MYOM2: variants seen among roughly 807,000 people sequenced by gnomAD.
The protein encoded by MYOM2 is myomesin-2.
In MYOM2, 254 loss-of-function variants were observed where a neutral mutation model predicts 187.6. The observed-to-expected ratio is 1.35, with a 90% CI of 1.22 to 1.50. The LOEUF is 1.50. Ranked by LOEUF, MYOM2 falls within the 40% of genes most tolerant of loss-of-function variation. MYOM2 has a pLI of 0.00. For missense variants in MYOM2, 2,796 were observed against 1,924.0 expected, an observed-to-expected ratio of 1.45 and a Z score of -8.48; for synonymous variants, 981 against 753.8, an observed-to-expected ratio of 1.30 and a Z score of -4.94.
chr8:2,099,394 G>A (rs1796607383), intron 19 of MYOM2, among the ~76,000 whole-genome samples: 1 of 152,138 alleles, frequency 6.6e-6, no homozygotes, highest in Non-Finnish European at 1.5e-5. Context: ...CAGCTGGGAG[G>A]CGCGACAGGG....
At chr8:2,056,450 G>A (rs931200607) in intron 3 of MYOM2, among the ~76,000 whole-genome samples, 3 of 152,068 alleles carry the variant, frequency 2.0e-5, no homozygotes. Context: ...AGGCAGGCCA[G>A]GCCTGGCCGT....
At chr8:2,061,597 C>A (rs1481953975) in intron 6 of MYOM2, among the ~76,000 whole-genome samples, 1 of 152,098 alleles carries the variant, frequency 6.6e-6, no homozygotes, top group Non-Finnish European at 1.5e-5. Flanking sequence ...GGGGGTCCAC[C>A]AGCTCCTCTG....
intron 20 of MYOM2, 97 bp from the exon 21 acceptor site, chr8:2,102,570 A>G: frequency 1.4e-6 from 1 of 709,154 alleles, no homozygotes; most frequent in Admixed American, 2.8e-5. Flanking sequence ...AAAATAAGCT[A>G]TTTTTGAAAA....
At chr8:2,112,521 G>C (rs1866715) in intron 25 of MYOM2, among the ~76,000 whole-genome samples, 43,715 of 151,874 alleles carry the variant, frequency 0.29, 6,443 homozygotes, top group East Asian at 0.4. Context: ...TCAACGGAGG[G>C]GGCTGTTTGC....
chr8:2,099,698 G>T (rs2116769415), intron 19 of MYOM2, among the ~76,000 whole-genome samples: 1 of 152,336 alleles, frequency 6.6e-6, no homozygotes, highest in Admixed American at 6.5e-5. Flanking sequence ...GGGGCCACAG[G>T]TTCATGTCAC....
At chr8:2,129,847 C>G (rs1351953224) in intron 32 of MYOM2, among the ~76,000 whole-genome samples, 1 of 152,154 alleles carries the variant, frequency 6.6e-6, no homozygotes, top group East Asian at 1.9e-4. Context: ...CTGAAACAAC[C>G]AGGCAAACTG....
intron 14 of MYOM2, 133 bp downstream of exon 14, chr8:2,085,523 C>CAGTCGTGATCTCTT (rs1819815118): frequency 1.8e-6 from 1 of 552,352 alleles, no homozygotes; most frequent in African/African-American, 2.4e-5. Flanking sequence ...TGGCCCCCCA[C>CAGTCGTGATCTCTT]TGTTGTGATC....
At chr8:2,124,054 C>T (rs1797549759) in intron 30 of MYOM2, 125 bp from the exon 31 acceptor site, 2 of 927,664 alleles carry the variant, frequency 2.2e-6, no homozygotes, top group Non-Finnish European at 3.3e-6. Context: ...TAAATATTGC[C>T]ATTTTAATGA....
At chr8:2,129,767 G>C (rs908102077) in intron 32 of MYOM2, among the ~76,000 whole-genome samples, 1 of 152,172 alleles carries the variant, frequency 6.6e-6, no homozygotes, top group Non-Finnish European at 1.5e-5. Flanking sequence ...GCAACCCATA[G>C]CACTGGGCAG....
chr8:2,086,704 A>G (rs1467185390), intron 14 of MYOM2, among the ~76,000 whole-genome samples: 1 of 152,234 alleles, frequency 6.6e-6, no homozygotes, highest in Non-Finnish European at 1.5e-5. Context: ...GTGAGCAGGG[A>G]GTCGCTTCCC....
chr8:2,131,041 C>G (rs575611082), intron 32 of MYOM2, among the ~76,000 whole-genome samples: 2 of 152,156 alleles, frequency 1.3e-5, no homozygotes, highest in Non-Finnish European at 2.9e-5. Flanking sequence ...AGGCCACCCC[C>G]CTCTTCAGCC....
intron 2 of MYOM2, among the ~76,000 whole-genome samples, chr8:2,051,142 C>T (rs1818471600): frequency 6.6e-6 from 1 of 151,006 alleles, no homozygotes; most frequent in Non-Finnish European, 1.5e-5. Flanking sequence ...GTTGATTTTA[C>T]TGCTCATCAC....
At chr8:2,110,142 A>G (rs577875353) in intron 25 of MYOM2, among the ~76,000 whole-genome samples, 1 of 152,286 alleles carries the variant, frequency 6.6e-6, no homozygotes, top group South Asian at 2.1e-4. Context: ...GGGCAACATA[A>G]GGAGATCCCA....
Position 2,096,451 on chromosome 8 carries a change from T to G in MYOM2, c.2313+17T>G, listed in dbSNP as rs1796489863. 6.2e-7 allele frequency: 1 copy of G among 1,611,752 alleles called. No homozygotes were observed. Among genetic ancestry groups the G allele is most frequent in the Admixed American group, 1.7e-5 (1 of 59,878 alleles). On this transcript the variant is annotated intron_variant, in intron 18 of 36. Transcript: ENST00000262113. ...ATCCTAACGGTCAGTTGGTTTTTAT[T>G]CCTTCGTCTATTTTTGCCTGGGTGG...
At chr8:2,045,987 G>A (rs1190717768) in intron 1 of MYOM2, among the ~76,000 whole-genome samples, 2 of 152,196 alleles carry the variant, frequency 1.3e-5, no homozygotes, top group Non-Finnish European at 2.9e-5. Context: ...CAAAGAAAGC[G>A]TGGAACAAAG....
At chr8:2,071,391 T>C (rs914918650) in intron 8 of MYOM2, among the ~76,000 whole-genome samples, 4 of 152,170 alleles carry the variant, frequency 2.6e-5, no homozygotes, top group African/African-American at 9.7e-5. Flanking sequence ...TTTCCTGACA[T>C]GTATGTACTT....
chr8:2,095,403 TG>T (rs1796445321), intron 17 of MYOM2, among the ~76,000 whole-genome samples: 1 of 151,888 alleles, frequency 6.6e-6, no homozygotes, highest in African/African-American at 2.4e-5. Flanking sequence ...GTGATCCTCA[TG>T]CCTCAGCCTC....
At chr8:2,046,715 G>A (rs897912997) in intron 1 of MYOM2, among the ~76,000 whole-genome samples, 1 of 151,430 alleles carries the variant, frequency 6.6e-6, no homozygotes, top group Admixed American at 6.6e-5. Context: ...ACCCTGCGAG[G>A]AAAAGCTGCT....
intron 19 of MYOM2, among the ~76,000 whole-genome samples, chr8:2,100,121 C>CTTCT (rs1554426946): frequency 0.011 from 805 of 76,346 alleles, 3 homozygotes; most frequent in Admixed American, 0.018. Context: ...TCTTTCCTTC[C>CTTCT]TTCCTTCTTT....
Sources: gnomAD v4.1 joint callset for allele counts (sites outside exome capture counted in the v4.1 genomes callset) on GRCh38, gnomAD v4.1.1 for gene constraint, MANE v1.5 for transcripts, NCBI Gene and HGNC (gene_info 2026-07-23, HGNC 2026-07-21) for gene names.